PDE1B: variants seen among roughly 807,000 people sequenced by gnomAD.
PDE1B encodes the protein phosphodiesterase 1B, also known as dual specificity calcium/calmodulin-dependent 3',5'-cyclic nucleotide phosphodiesterase 1B.
Under a neutral mutation model 66.7 loss-of-function variants are expected in PDE1B, and 13 were observed. That is an observed-to-expected ratio of 0.19 (90% confidence interval 0.13 to 0.31). PDE1B has a LOEUF of 0.31. Among genes scored for constraint, PDE1B ranks in the 10% least tolerant of loss-of-function variants. The pLI is 1.00. For missense variants in PDE1B, 485 were observed against 682.3 expected, an observed-to-expected ratio of 0.71 and a Z score of 3.22; for synonymous variants, 230 against 253.9, an observed-to-expected ratio of 0.91 and a Z score of 0.90.
In PDE1B at chr12:54,549,871, G is replaced by A; in HGVS notation, c.-2G>A. The A allele has an allele frequency of 1.2e-6, 2 of 1,612,012 alleles. No individual in the cohort carries two copies. The highest frequency in any genetic ancestry group is 1.1e-5 in the South Asian group (1 of 90,968). ...CTTCTGTTCCGTAGACCGTGGCTGA[G>A]CATGGAGCTGTCCCCCCGCAGTCCT... On this transcript the variant is annotated 5_prime_UTR_variant, in exon 2 of 16. Transcript: ENST00000243052.
chr12:54,553,085 C>T (rs1446327281), intron 2 of PDE1B, among the ~76,000 whole-genome samples: 4 of 152,158 alleles, frequency 2.6e-5, no homozygotes, highest in African/African-American at 7.2e-5. Context: ...AGACATAGTC[C>T]CTCTTCCTAC....
chr12:54,577,539 G>T, intron 15 of PDE1B, 194 bp downstream of exon 15: 2 of 1,551,622 alleles, frequency 1.3e-6, no homozygotes, highest in South Asian at 2.4e-5. Context: ...CTGTCCCCCA[G>T]TCCCTGCAGG....
Position 54,567,089 on chromosome 12 carries a change from TGA to T in PDE1B, c.227+9_227+10del, listed in dbSNP as rs911174584. ...AGCCGTCTACATAGATGAGACACGGTGAGAGAGACCGACAGACAGAGAAGGAG... is the reference window on the plus strand; with the variant it reads ...AGCCGTCTACATAGATGAGACACGGTGAGAGACCGACAGACAGAGAAGGAG... On this transcript the variant is annotated splice_donor_region_variant and intron_variant, in intron 3 of 15. Coordinates refer to ENST00000243052, the MANE Select transcript of PDE1B (RefSeq NM_000924.4). 1 of 1,475,644 alleles carries T rather than the reference TGA, an allele frequency of 6.8e-7. No homozygotes were observed. The highest frequency in any genetic ancestry group is 9.5e-7 in the Non-Finnish European group (1 of 1,058,146). The allele number at this position is 1,475,644 out of a possible 1,614,324, so 91.4% of individuals were successfully genotyped here.
Position 54,558,043 on chromosome 12 carries a change from C to T in PDE1B, c.113+8058C>T, listed in dbSNP as rs1275842138. Among the ~76,000 whole-genome samples, 5 of 152,172 alleles carry T rather than the reference C, an allele frequency of 3.3e-5. No individual in the cohort carries two copies. In the East Asian group the frequency reaches 9.7e-4, roughly 29 times the overall value. ...TTGGTCTGGGCTGAGGCTCAAGCTG[C>T]TTAGATTATTCCCTTTCTCGTGTGA... On this transcript the variant is annotated intron_variant, in intron 2 of 15. Coordinates refer to ENST00000243052, the MANE Select transcript of PDE1B (RefSeq NM_000924.4).
At chr12:54,563,056 G>C (rs1957447425) in intron 2 of PDE1B, among the ~76,000 whole-genome samples, 1 of 152,164 alleles carries the variant, frequency 6.6e-6, no homozygotes, top group African/African-American at 2.4e-5. Context: ...AGCTCTGGGA[G>C]ATAGCCTCAC....
In PDE1B at chr12:54,576,310, G is replaced by T. The variant is rs1466729250; in HGVS notation, c.1376+210G>T. 5.0e-6 allele frequency: 3 copies of T among 603,394 alleles called. No homozygotes were observed. The highest frequency in any genetic ancestry group is 3.7e-5 in the African/African-American group (2 of 53,888). The allele number at this position is 603,394 out of a possible 1,614,324, so 37.4% of individuals were successfully genotyped here. ...CTATGCTCCCCTTCACCATATTTTT[G>T]TTTCTTCCATTAGCTGTCTTTCTGC... On this transcript the variant is annotated intron_variant, in intron 13 of 15. Coordinates refer to ENST00000243052, the MANE Select transcript of PDE1B (RefSeq NM_000924.4).
chr12:54,578,786 T>C lies in PDE1B; in HGVS notation c.*944T>C, dbSNP rs1957814526. ...CCTGGGGAGGGTGAGTAATCCTGCA[T>C]TGCTAAAAGAGAGGGTCTGTCCCCT... On this transcript the variant is annotated 3_prime_UTR_variant, in exon 16 of 16. Transcript: ENST00000243052. The C allele has an allele frequency of 6.6e-6, 1 of 152,198 alleles. No individual in the cohort carries two copies. The highest frequency in any genetic ancestry group is 2.1e-4 in the South Asian group (1 of 4,818). 9.4% of individuals were successfully genotyped at this position (152,198 alleles called of 1,614,324 possible). A position where few individuals can be genotyped will look rare whatever the true frequency, so the allele number is the denominator to read the frequency against.
At chr12:54,570,417 C>A in intron 6 of PDE1B, 60 bp downstream of exon 6, 1 of 940,772 alleles carries the variant, frequency 1.1e-6, no homozygotes, top group East Asian at 2.4e-5. Flanking sequence ...CATGCCTGTT[C>A]TAAAAGCCTC....
intron 2 of PDE1B, among the ~76,000 whole-genome samples, chr12:54,553,509 G>GTTT (rs751753382): frequency 2.2e-4 from 34 of 152,128 alleles, no homozygotes; most frequent in Non-Finnish European, 3.8e-4. Context: ...GATTATTTTT[G>GTTT]CTTATCTTTG....
chr12:54,576,732 A>C, intron 14 of PDE1B, 31 bp downstream of exon 14: 1 of 1,577,222 alleles, frequency 6.3e-7, no homozygotes, highest in Non-Finnish European at 8.6e-7. Context: ...CAGGGGTGAG[A>C]ACTTGTGTGG....
chr12:54,549,603 C>T lies in PDE1B; in HGVS notation c.-183C>T. ...AGAGGCGAGGAGGCGGCTCTGGCAGCGCGCGGCGGCGGCGGCGGTAGCGGC... is the reference window on the plus strand; with the variant it reads ...AGAGGCGAGGAGGCGGCTCTGGCAGTGCGCGGCGGCGGCGGCGGTAGCGGC... On this transcript the variant is annotated 5_prime_UTR_variant, in exon 1 of 16. Transcript: ENST00000243052. 2 of 444,438 alleles carry T rather than the reference C, an allele frequency of 4.5e-6. No individual in the cohort carries two copies. The highest frequency in any genetic ancestry group is 8.0e-6 in the Non-Finnish European group (2 of 250,024). The allele number at this position is 444,438 out of a possible 1,614,324, so 27.5% of individuals were successfully genotyped here.
chr12:54,566,373 A>G (rs889425535), intron 2 of PDE1B, among the ~76,000 whole-genome samples: 1 of 152,192 alleles, frequency 6.6e-6, no homozygotes, highest in Non-Finnish European at 1.5e-5. Flanking sequence ...ATCATAATCC[A>G]TTAGCTTTGC....
chr12:54,559,358 G>A (rs1351524247), intron 2 of PDE1B, among the ~76,000 whole-genome samples: 2 of 151,798 alleles, frequency 1.3e-5, no homozygotes, highest in Non-Finnish European at 2.9e-5. Context: ...TTAGAGTTGG[G>A]TTCCTTTCTA....
rs1555175896 is a variant in PDE1B, at chr12:54,573,870, AGTGTGTGTGTGTGT to A, written c.1064+190_1064+203del. The A allele has an allele frequency of 1.9e-4, 94 of 501,960 alleles. No individual in the cohort carries two copies. Among genetic ancestry groups the A allele is most frequent in the Non-Finnish European group, 2.4e-4 (67 of 282,438 alleles). The allele number at this position is 501,960 out of a possible 1,614,324, so 31.1% of individuals were successfully genotyped here. A position where few individuals can be genotyped will look rare whatever the true frequency, so the allele number is the denominator to read the frequency against. On this transcript the variant is annotated intron_variant, in intron 10 of 15. Coordinates refer to ENST00000243052, the MANE Select transcript of PDE1B (RefSeq NM_000924.4). The surrounding 1 kb of genome is among the most constrained non-coding windows in gnomAD (Gnocchi z 5.2). ...GCATCTCTATGTGAGAGAGAGAGAG[AGTGTGTGTGTGTGT>A]GTGTGTGTGTGTGTGTGTGTGTGTG...
intron 3 of PDE1B, among the ~76,000 whole-genome samples, chr12:54,568,114 C>T (rs1363287332): frequency 6.6e-6 from 1 of 152,168 alleles, no homozygotes; most frequent in Non-Finnish European, 1.5e-5. Flanking sequence ...CCTTGGCCTC[C>T]CAAAGTCCTG....
In PDE1B at chr12:54,567,764, A is replaced by C. The variant is rs114254445; in HGVS notation, c.227+677A>C. The stretch of plus-strand genomic sequence containing the variant: ...TTCTGGGTGGCTATTGAGCACCTCA[A>C]ATGTGGCAAGTATGAACTGAGATGT... On this transcript the variant is annotated intron_variant, in intron 3 of 15. Transcript: ENST00000243052. Among the ~76,000 whole-genome samples the C allele has an allele frequency of 1.9e-3, 294 of 152,226 alleles. 2 individuals are homozygous for C. Among genetic ancestry groups the C allele is most frequent in the African/African-American group, 6.5e-3 (271 of 41,576 alleles).
In PDE1B at chr12:54,575,308, C is replaced by G. The variant is rs779565726; in HGVS notation, c.1185+90C>G. The G allele has an allele frequency of 3.9e-5, 45 of 1,154,554 alleles. No homozygotes were observed. Among genetic ancestry groups the G allele is most frequent in the Non-Finnish European group, 5.2e-5 (40 of 775,082 alleles). 71.5% of individuals were successfully genotyped at this position (1,154,554 alleles called of 1,614,324 possible). On this transcript the variant is annotated intron_variant, in intron 11 of 15. Transcript: ENST00000243052. The surrounding 1 kb of genome is among the most constrained non-coding windows in gnomAD (Gnocchi z 4.0). ...TTCCCCAATCCTGTTCCACATCCTC[C>G]TTTTGCTACCTGTAGTCTCTGACCT... is the stretch of plus-strand genomic sequence containing the variant.
intron 2 of PDE1B, among the ~76,000 whole-genome samples, chr12:54,564,268 G>C (rs550969482): frequency 6.6e-6 from 1 of 150,818 alleles, no homozygotes; most frequent in African/African-American, 2.4e-5. Context: ...CCCACTCAAA[G>C]TCCTCACCTC....
chr12:54,561,094 C>T (rs1376146846), intron 2 of PDE1B, among the ~76,000 whole-genome samples: 1 of 152,070 alleles, frequency 6.6e-6, no homozygotes, highest in Non-Finnish European at 1.5e-5. Flanking sequence ...AGAAAAAGAC[C>T]CTGAAAGGGA....
Sources: allele counts gnomAD v4.1 joint callset (sites outside exome capture counted in the v4.1 genomes callset), GRCh38; gene constraint gnomAD v4.1.1; non-coding constraint Gnocchi (gnomAD v3.1); transcripts MANE v1.5; gene names NCBI Gene and HGNC (gene_info 2026-07-23, HGNC 2026-07-21).